CDKL3: variants seen among roughly 807,000 people sequenced by gnomAD.
CDKL3 encodes cyclin dependent kinase like 3.
In CDKL3, 65 loss-of-function variants were observed where a neutral mutation model predicts 69.3. The ratio of observed to expected loss-of-function variants is 0.94; its 90% CI spans 0.77 to 1.15. The LOEUF (loss-of-function observed/expected upper bound fraction) is 1.15, where lower values mean the gene tolerates loss of function less well. Ranked by LOEUF, CDKL3 falls within the 50% of genes most tolerant of loss-of-function variation. The pLI, the probability that CDKL3 is intolerant of heterozygous loss-of-function variation, is 0.00. For synonymous variants in CDKL3, 202 were observed against 221.6 expected, an observed-to-expected ratio of 0.91 and a Z score of 0.79; for missense variants, 652 against 689.2, an observed-to-expected ratio of 0.95 and a Z score of 0.61.
In CDKL3 at chr5:134,360,234, C is replaced by T. The variant is rs545272080; in HGVS notation, c.166-143G>A. ...TTTTTTCTTTTTTTTGAGATGGAGT[C>T]TTGCTCTGTCGCCAGGCTGGAGTGC... On this transcript the variant is annotated intron_variant, in intron 2 of 12. Transcript: ENST00000265334. 7 of 658,622 alleles carry T rather than the reference C, an allele frequency of 1.1e-5. No individual in the cohort carries two copies. The South Asian group carries it at 1.2e-4, about 11-fold the overall frequency. 40.8% of individuals were successfully genotyped at this position (658,622 alleles called of 1,614,324 possible).
intron 3 of CDKL3, among the ~76,000 whole-genome samples, chr5:134,357,167 C>G (rs1187991965): frequency 1.3e-5 from 2 of 151,994 alleles, no homozygotes; most frequent in Non-Finnish European, 2.9e-5. Context: ...AAATGTAAGC[C>G]GGGCGCGGTG....
chr5:134,369,017 ACT>A (rs748345041), upstream of CDKL3, among the ~76,000 whole-genome samples: 2 of 152,064 alleles, frequency 1.3e-5, no homozygotes, highest in Admixed American at 6.6e-5. Context: ...ACAGAGCAAA[ACT>A]CTGTCTCAAA....
intron 4 of CDKL3, among the ~76,000 whole-genome samples, chr5:134,324,408 C>G (rs1207348289): frequency 6.6e-6 from 1 of 152,190 alleles, no homozygotes; most frequent in Non-Finnish European, 1.5e-5. Flanking sequence ...CTTATAACAG[C>G]TTGCTTCATA....
rs780911511 is a variant in CDKL3 at position 134,312,287 on chromosome 5, C to T, written c.881+5G>A. ...AAAAAACCCACATTCACTCAAAATGCTTACTTTTCAATAAATCCATCTCTA... is the reference window on the plus strand; with the variant it reads ...AAAAAACCCACATTCACTCAAAATGTTTACTTTTCAATAAATCCATCTCTA... On this transcript the variant is annotated splice_donor_5th_base_variant and intron_variant, in intron 7 of 12. Coordinates refer to ENST00000265334, the MANE Select transcript of CDKL3 (RefSeq NM_001113575.2). 1.9e-6 allele frequency: 3 copies of T among 1,542,416 alleles called. No homozygotes were observed. The East Asian group carries it at 6.8e-5, about 35-fold the overall frequency.
At chr5:134,291,738 C>A (rs111343446) in intron 8 of CDKL3, among the ~76,000 whole-genome samples, 111 of 151,006 alleles carry the variant, frequency 7.4e-4, no homozygotes, top group African/African-American at 2.5e-3. Flanking sequence ...CATGCCATTG[C>A]ACTCCAGCCT....
At chr5:134,350,573 T>G (rs1248995354) in intron 3 of CDKL3, 146 bp from the exon 4 acceptor site, 62 of 614,482 alleles carry the variant, frequency 1.0e-4, no homozygotes, top group Non-Finnish European at 8.6e-6. Context: ...ACAATGCAAA[T>G]ATAGTTATAT....
chr5:134,341,289 C>T (rs1054032086), intron 4 of CDKL3, among the ~76,000 whole-genome samples: 2 of 152,152 alleles, frequency 1.3e-5, no homozygotes, highest in Non-Finnish European at 2.9e-5. Context: ...AGGATGTCTG[C>T]TCTTGCCACT....
At chr5:134,371,562 T>C, upstream of CDKL3, 1 of 1,609,424 alleles carries the variant, frequency 6.2e-7, no homozygotes, top group African/African-American at 1.3e-5. Context: ...GGGACTTTTT[T>C]TTTTTCAGAC....
rs747123812 is a variant in CDKL3 at position 134,304,426 on chromosome 5, T to C, written c.1600A>G (p.Lys534Glu). ...GTACCTTCCATTCCTTTTGTATCTT[T>C]TGACTGTATTGTGACAGGCAATTCT... ...FPELPVTIQS[K>E]DTKGMEVKQI... The change falls in exon 11 of 13, where the codon AAA (lysine) becomes GAA (glutamate). Residue 534 changes from lysine to glutamate, a missense_variant. Lys to Glu is a moderately conservative substitution (Grantham distance 56). Transcript: ENST00000265334. The C allele has an allele frequency of 1.9e-6, 3 of 1,611,972 alleles. No homozygotes were observed. The highest frequency in any genetic ancestry group is 2.2e-5 in the East Asian group (1 of 44,762).
chr5:134,308,693 C>T lies in CDKL3; in HGVS notation c.916G>A (p.Glu306Lys), dbSNP rs1561518693. ...MPELKAKLLQ[E>K]AKVNSLIKPK... Reference sequence around the variant, plus strand: ...TTTATTAATGAATTGACTTTTGCTTCCTGCAGTAATTTAGCTTTCAGTTCT... The same window carrying T: ...TTTATTAATGAATTGACTTTTGCTTTCTGCAGTAATTTAGCTTTCAGTTCT... The change falls in exon 8 of 13, where the codon GAA becomes AAA. Residue 306 changes from glutamate (E) to lysine (K), a missense_variant. Transcript: ENST00000265334. 2.5e-6 allele frequency: 4 copies of T among 1,600,618 alleles called. No individual in the cohort carries two copies. The highest frequency in any genetic ancestry group is 1.3e-5 in the African/African-American group (1 of 74,100).
chr5:134,313,485 T>A (rs2149461111), intron 6 of CDKL3, among the ~76,000 whole-genome samples: 1 of 152,272 alleles, frequency 6.6e-6, no homozygotes. Flanking sequence ...ATTATCCTCA[T>A]TATACAGATG....
chr5:134,328,622 G>A (rs986636077), intron 4 of CDKL3, among the ~76,000 whole-genome samples: 3 of 151,972 alleles, frequency 2.0e-5, no homozygotes, highest in Non-Finnish European at 2.9e-5. Context: ...AAATAATGGA[G>A]AAAAACTGCC....
In CDKL3 at chr5:134,359,507, G is replaced by A. The variant is rs760717784; in HGVS notation, c.360+390C>T. Among the ~76,000 whole-genome samples the A allele has an allele frequency of 3.9e-5, 6 of 151,938 alleles. No homozygotes were observed. In the South Asian group the frequency reaches 1.0e-3, roughly 26 times the overall value. On this transcript the variant is annotated intron_variant, in intron 3 of 12. Transcript: ENST00000265334. ...CCACAATTTACTTACTATTCCCCCC[G>A]CCTTTTTTTTTGTGAGGCGGAGTCT...
downstream of CDKL3, among the ~76,000 whole-genome samples, chr5:134,296,383 C>T (rs185441978): frequency 6.6e-6 from 1 of 152,266 alleles, no homozygotes; most frequent in African/African-American, 2.4e-5. Context: ...CCTTACACGG[C>T]CTGTACAACA....
chr5:134,310,065 A>G (rs1260805198), intron 7 of CDKL3, among the ~76,000 whole-genome samples: 2 of 152,212 alleles, frequency 1.3e-5, no homozygotes, highest in African/African-American at 4.8e-5. Context: ...TCCTACGTTC[A>G]AGCAATCCGC....
chr5:134,304,354 A>G (rs1651283473), intron 11 of CDKL3, 51 bp downstream of exon 11: 5 of 1,397,120 alleles, frequency 3.6e-6, no homozygotes, highest in Non-Finnish European at 4.8e-6. Flanking sequence ...TTATGAAAAA[A>G]TCTTATAAAT....
intron 6 of CDKL3, among the ~76,000 whole-genome samples, chr5:134,314,022 G>C (rs1253057055): frequency 6.6e-6 from 1 of 152,096 alleles, no homozygotes; most frequent in Non-Finnish European, 1.5e-5. Flanking sequence ...GCACATGCCT[G>C]TAATCCCAGC....
chr5:134,349,094 T>G (rs1486217478), intron 4 of CDKL3, among the ~76,000 whole-genome samples: 1 of 152,174 alleles, frequency 6.6e-6, no homozygotes, highest in African/African-American at 2.4e-5. Context: ...TTCTACTGTT[T>G]AAAATGAGAA....
At chr5:134,323,343 A>T (rs891775453) in intron 4 of CDKL3, among the ~76,000 whole-genome samples, 8 of 152,220 alleles carry the variant, frequency 5.3e-5, no homozygotes, top group African/African-American at 1.7e-4. Context: ...GTAAATTTTT[A>T]AAAATCCTAG....
Sources: allele counts gnomAD v4.1 joint callset (sites outside exome capture counted in the v4.1 genomes callset), GRCh38; gene constraint gnomAD v4.1.1; transcripts MANE v1.5; gene names NCBI Gene and HGNC (gene_info 2026-07-23, HGNC 2026-07-21).